Variants in TMEM82 observed in about 807,000 individuals in gnomAD.
TMEM82 encodes the protein transmembrane protein 82.
A neutral mutation model predicts 29.2 loss-of-function variants in TMEM82; 30 were observed. The ratio of observed to expected loss-of-function variants is 1.03; its 90% CI spans 0.77 to 1.39. The LOEUF is 1.39. TMEM82 is among the 40% of genes most tolerant of loss of function. The probability of loss-of-function intolerance (pLI) is 0.00; values close to 1 mark genes in which losing one functional copy is unlikely to be tolerated. For synonymous variants in TMEM82, 221 were observed against 225.4 expected (o/e 0.98, Z 0.18); for missense variants, 442 against 447.7 (o/e 0.99, Z 0.12).
At chr1:15,747,428 G>A (rs922253421) in intron 5 of TMEM82, 118 bp from the exon 6 acceptor site, 2 of 859,064 alleles carry the variant, frequency 2.3e-6, no homozygotes, top group Non-Finnish European at 3.9e-6. Context: ...CCTGTCCACA[G>A]CCCTCTCCAG....
rs760537281 is a variant in TMEM82, at chr1:15,744,587, G to A, written c.757+7G>A. On this transcript the variant is annotated splice_region_variant and intron_variant, in intron 4 of 5. Coordinates refer to ENST00000375782, the MANE Select transcript of TMEM82 (RefSeq NM_001013641.3). This position sits in a 1 kb window ranked among gnomAD's most constrained non-coding sequence, Gnocchi z 5.2. ...CTGGTCATCTACATGCAGGGTGAGCGCTGCGGGGCCTGCTCCATTCAATCC... is the reference window on the plus strand; with the variant it reads ...CTGGTCATCTACATGCAGGGTGAGCACTGCGGGGCCTGCTCCATTCAATCC... 13 of 1,599,434 alleles carry A rather than the reference G, an allele frequency of 8.1e-6. No homozygotes were observed. The highest frequency in any genetic ancestry group is 3.4e-5 in the Admixed American group (2 of 59,002).
chr1:15,743,925 A>G (rs2068312517), intron 3 of TMEM82, among the ~76,000 whole-genome samples: 1 of 152,060 alleles, frequency 6.6e-6, no homozygotes, highest in South Asian at 2.1e-4. Flanking sequence ...AGATCGAGCC[A>G]CTGTACTCCA....
At position 15,744,276 on chromosome 1, in the gene TMEM82, G is replaced by A. The variant is rs1050385143; in HGVS notation, c.453G>A (p.Leu151=). 46 of 1,559,304 alleles carry A rather than the reference G, an allele frequency of 3.0e-5. No homozygotes were observed. The highest frequency in any genetic ancestry group is 3.5e-5 in the Non-Finnish European group (41 of 1,157,096). ...FLQEGAPHRT[L]NLLLSLGLAT... ...AGGAGGGCGCCCCTCACCGCACGCT[G>A]AACCTGCTGCTGAGCCTCGGGCTGG... Residue 151 remains leucine, a synonymous_variant, in exon 4 of 6, where the codon CTG becomes CTA. Transcript: ENST00000375782. The surrounding 1 kb of genome is among the most constrained non-coding windows in gnomAD (Gnocchi z 5.2).
rs2148396479 is a variant in TMEM82, at chr1:15,746,851, C to A, written c.758-16C>A. The A allele has an allele frequency of 1.3e-6, 2 of 1,548,212 alleles. No homozygotes were observed. The highest frequency in any genetic ancestry group is 1.7e-6 in the Non-Finnish European group (2 of 1,151,728). On this transcript the variant is annotated splice_polypyrimidine_tract_variant and intron_variant, in intron 4 of 5. Transcript: ENST00000375782. ...GGGTGTGTGGTCGGACGGTGACAGG[C>A]ACCCGCATCCCACAGAGGAGCAGCG...
chr1:15,746,823 C>A, intron 4 of TMEM82, 44 bp from the exon 5 acceptor site: 1 of 1,516,450 alleles, frequency 6.6e-7, no homozygotes, highest in Non-Finnish European at 8.8e-7. Flanking sequence ...GAGGTCCAGT[C>A]CGGGGTGTGT....
chr1:15,746,779 G>C, intron 4 of TMEM82, 88 bp from the exon 5 acceptor site: 1 of 1,149,972 alleles, frequency 8.7e-7, no homozygotes, highest in Non-Finnish European at 1.2e-6. Flanking sequence ...GGGAGGGGAA[G>C]GCTCATCCTG....
Position 15,747,474 on chromosome 1 carries a change from G to A in TMEM82, c.946-72G>A, listed in dbSNP as rs191653815. 1,598 of 1,317,608 alleles carry A rather than the reference G, an allele frequency of 1.2e-3. 20 individuals are homozygous for A. In the East Asian group the frequency reaches 0.021, roughly 17 times the overall value. The allele number at this position is 1,317,608 out of a possible 1,614,324, so 81.6% of individuals were successfully genotyped here. A position where few individuals can be genotyped will look rare whatever the true frequency, so the allele number is the denominator to read the frequency against. ...GAGGCCCAAGGGGGAGGAAGTGCCCGGGTCACTGGAGGCCCAAGGCCCGCA... is the reference window on the plus strand; with the variant it reads ...GAGGCCCAAGGGGGAGGAAGTGCCCAGGTCACTGGAGGCCCAAGGCCCGCA... On this transcript the variant is annotated intron_variant, in intron 5 of 5. Coordinates refer to ENST00000375782, the MANE Select transcript of TMEM82 (RefSeq NM_001013641.3).
intron 3 of TMEM82, 72 bp downstream of exon 3, chr1:15,743,266 G>A: frequency 1.4e-6 from 2 of 1,481,146 alleles, no homozygotes; most frequent in South Asian, 1.3e-5. Flanking sequence ...CGGAATGTGG[G>A]CAGCAGGGCC....
Position 15,744,579 on chromosome 1 carries a change from G to A in TMEM82, c.756G>A (p.Gln252=). 6.2e-7 allele frequency: 1 copy of A among 1,605,190 alleles called. No individual in the cohort carries two copies. Among genetic ancestry groups the A allele is most frequent in the Non-Finnish European group, 8.5e-7 (1 of 1,175,524 alleles). ...ACACGCTGCTGGTCATCTACATGCAGGGTGAGCGCTGCGGGGCCTGCTCCA... is the reference window on the plus strand; with the variant it reads ...ACACGCTGCTGGTCATCTACATGCAAGGTGAGCGCTGCGGGGCCTGCTCCA... The part of the protein sequence containing the change: ...ICYTLLVIYM[Q]EEQRQHPGLQ... The change falls in exon 4 of 6, where the codon CAG becomes CAA. Residue 252 remains glutamine (Q), a splice_region_variant and synonymous_variant. Coordinates refer to ENST00000375782, the MANE Select transcript of TMEM82 (RefSeq NM_001013641.3). This position sits in a 1 kb window ranked among gnomAD's most constrained non-coding sequence, Gnocchi z 5.2.
chr1:15,747,116 C>T (rs186403493), intron 5 of TMEM82, 62 bp downstream of exon 5: 9 of 1,538,276 alleles, frequency 5.9e-6, no homozygotes, highest in Non-Finnish European at 7.0e-6. Flanking sequence ...AGCCCAGGAG[C>T]CTCAAGAGGC....
intron 3 of TMEM82, among the ~76,000 whole-genome samples, chr1:15,743,743 T>C (rs949286271): frequency 3.3e-5 from 5 of 152,032 alleles, no homozygotes; most frequent in South Asian, 4.2e-4. Flanking sequence ...CACCTGAGGT[T>C]AGGATTTCGA....
intron 4 of TMEM82, among the ~76,000 whole-genome samples, chr1:15,745,892 CAAAAA>C (rs914390608): frequency 3.5e-5 from 3 of 86,354 alleles, no homozygotes. Flanking sequence ...CCATCTCAAA[CAAAAA>C]AAAAAAAAAA....
Position 15,743,023 on chromosome 1 carries a change from C to A in TMEM82, c.165C>A (p.Asp55Glu). Residue 55 changes from aspartate (D) to glutamate (E), a missense_variant, in exon 3 of 6, where the codon GAC becomes GAA. Physicochemically the swap from Asp to Glu is conservative, Grantham distance 45. Transcript: ENST00000375782. ...CACACCCATTCTGTCCCCAAAGTGA[C>A]CCGCAGCGGCGACCCGAAAAGGAGC... Reference protein sequence around the residue: ...KVYFFVGCANDPQRRPEKERL... With the variant: ...KVYFFVGCANEPQRRPEKERL... 6.3e-7 allele frequency: 1 copy of A among 1,597,158 alleles called. No homozygotes were observed. Among genetic ancestry groups the A allele is most frequent in the Non-Finnish European group, 8.5e-7 (1 of 1,171,298 alleles).
rs779314832 is a variant in TMEM82 at position 15,742,924 on chromosome 1, T to TC, written c.161+23dup. Reference sequence around the variant, plus strand: ...CTGTGCCAAGTGAGTGCCCACCTCATCCCCCCAGGGAATGTGGCTGGGGGC... The same window carrying TC: ...CTGTGCCAAGTGAGTGCCCACCTCATCCCCCCCAGGGAATGTGGCTGGGGGC... On this transcript the variant is annotated intron_variant, in intron 2 of 5. Transcript: ENST00000375782. 6 of 1,611,920 alleles carry TC rather than the reference T, an allele frequency of 3.7e-6. No homozygotes were observed. The East Asian group carries it at 6.7e-5, about 18-fold the overall frequency.
chr1:15,743,973 A>T (rs1037618533), intron 3 of TMEM82, among the ~76,000 whole-genome samples, 187 bp from the exon 4 acceptor site: 1 of 151,978 alleles, frequency 6.6e-6, no homozygotes, highest in Non-Finnish European at 1.5e-5. Context: ...TAAAAAAAAA[A>T]ACAAAACAAA....
Position 15,742,503 on chromosome 1 carries a change from CGTT to C in TMEM82, c.-55_-53del. On this transcript the variant is annotated 5_prime_UTR_variant, in exon 1 of 6. Transcript: ENST00000375782. ...CTCCACCGACACCTTTGCCCAGTGA[CGTT>C]GGTCTGTCCTTACGCAGACCTGGCC... The C allele has an allele frequency of 7.5e-7, 1 of 1,332,596 alleles. No homozygotes were observed. The highest frequency in any genetic ancestry group is 2.5e-5 in the Admixed American group (1 of 40,596). 82.5% of individuals were successfully genotyped at this position (1,332,596 alleles called of 1,614,324 possible).
At chr1:15,743,789 A>G (rs1006105911) in intron 3 of TMEM82, among the ~76,000 whole-genome samples, 14 of 152,110 alleles carry the variant, frequency 9.2e-5, no homozygotes, top group African/African-American at 3.1e-4. Flanking sequence ...CCCCATCTCT[A>G]AAAACAAAAA....
chr1:15,747,609 T>A lies in TMEM82; in HGVS notation c.1009T>A (p.Ser337Thr). Residue 337 changes from serine (S) to threonine (T), a missense_variant, in exon 6 of 6, where the codon TCC becomes ACC. By Grantham distance (58) the Ser-to-Thr change is moderately conservative. Coordinates refer to ENST00000375782, the MANE Select transcript of TMEM82 (RefSeq NM_001013641.3). ...CCAGCCCCTGCCCTCGGCACCCCAG[T>A]CCCAGAGTTCGGCCCCCTCTTGACC... The part of the protein sequence containing the change: ...PSQPLPSAPQ[S>T]QSSAPS The A allele has an allele frequency of 6.2e-7, 1 of 1,614,038 alleles. No individual in the cohort carries two copies. Among genetic ancestry groups the A allele is most frequent in the Non-Finnish European group, 8.5e-7 (1 of 1,179,956 alleles).
At chr1:15,747,414 C>A in intron 5 of TMEM82, 132 bp from the exon 6 acceptor site, 1 of 768,824 alleles carries the variant, frequency 1.3e-6, no homozygotes, top group Non-Finnish European at 2.2e-6. Context: ...CTAGCACCCC[C>A]CACCCTGTCC....
Sources: gnomAD v4.1 joint callset for allele counts (sites outside exome capture counted in the v4.1 genomes callset) on GRCh38, gnomAD v4.1.1 for gene constraint, Gnocchi (gnomAD v3.1) non-coding constraint, MANE v1.5 for transcripts, NCBI Gene and HGNC (gene_info 2026-07-23, HGNC 2026-07-21) for gene names.